Variants in ALDH7A1 observed in about 807,000 individuals in gnomAD.
ALDH7A1 encodes the protein aldehyde dehydrogenase 7 family member A1.
ALDH7A1 carries 63 observed loss-of-function variants against 79.9 expected under a neutral mutation model. The observed-to-expected ratio is 0.79, with a 90% CI of 0.64 to 0.97. The LOEUF is 0.97. Among genes scored for constraint, ALDH7A1 ranks in the 50% least tolerant of loss-of-function variants. The probability of loss-of-function intolerance (pLI) is 0.00; values close to 1 mark genes in which losing one functional copy is unlikely to be tolerated. For missense variants in ALDH7A1, 627 were observed against 665.2 expected (o/e 0.94, Z 0.63); for synonymous variants, 240 against 231.2 (o/e 1.04, Z -0.34).
At chr5:126,547,850 G>C (rs999914817) in intron 16 of ALDH7A1, among the ~76,000 whole-genome samples, 8 of 152,120 alleles carry the variant, frequency 5.3e-5, no homozygotes, top group African/African-American at 1.9e-4. Context: ...AGGAGTTCAA[G>C]ACCAGCCTGG....
chr5:126,564,503 AAAATC>A, intron 9 of ALDH7A1: 1 of 1,242,408 alleles, frequency 8.0e-7, no homozygotes, highest in Non-Finnish European at 1.0e-6. Context: ...AGTGCACTTT[AAAATC>A]AGCTTCCATG....
At chr5:126,554,856 G>A in intron 12 of ALDH7A1, 1 of 265,692 alleles carries the variant, frequency 3.8e-6, no homozygotes, top group South Asian at 4.4e-5. Context: ...GAATGATGCT[G>A]TCCTATGTTA....
chr5:126,550,456 T>TGGGCAACTGAGGCCTACA (rs1237947891), intron 14 of ALDH7A1, among the ~76,000 whole-genome samples, 163 bp from the exon 15 acceptor site: 1 of 152,056 alleles, frequency 6.6e-6, no homozygotes. Flanking sequence ...TTCAGATCAT[T>TGGGCAACTGAGGCCTACA]GATAATAAGT....
At chr5:126,555,220 C>T (rs1750147858) in intron 12 of ALDH7A1, 1 of 153,782 alleles carries the variant, frequency 6.5e-6, no homozygotes, top group South Asian at 2.0e-4. Context: ...CAATGGCTCA[C>T]ACCTGTAATC....
Position 126,594,954 on chromosome 5 carries a change from G to A in ALDH7A1, c.192+53C>T, listed in dbSNP as rs966590946. ...GAGTCGGTAGGTCAGTGCCCGCCCGGCCTCCTCGAGCGAGCCCCGGCGGCT... is the reference window on the plus strand; with the variant it reads ...GAGTCGGTAGGTCAGTGCCCGCCCGACCTCCTCGAGCGAGCCCCGGCGGCT... On this transcript the variant is annotated intron_variant, in intron 1 of 17. Coordinates refer to ENST00000409134, the MANE Select transcript of ALDH7A1 (RefSeq NM_001182.5). 4 of 1,551,374 alleles carry A rather than the reference G, an allele frequency of 2.6e-6. No individual in the cohort carries two copies. The African/African-American group carries it at 4.1e-5, about 16-fold the overall frequency.
At chr5:126,571,100 G>T in intron 7 of ALDH7A1, 1 of 400,414 alleles carries the variant, frequency 2.5e-6, no homozygotes, top group South Asian at 2.8e-5. Context: ...ATTCAGACCT[G>T]GATTTCTCCT....
intron 13 of ALDH7A1, among the ~76,000 whole-genome samples, chr5:126,552,441 G>C (rs1296454765): frequency 6.6e-6 from 1 of 152,186 alleles, no homozygotes; most frequent in Non-Finnish European, 1.5e-5. Flanking sequence ...CACTCAGCCT[G>C]TAGTGCAATG....
intron 11 of ALDH7A1, among the ~76,000 whole-genome samples, chr5:126,558,662 T>G (rs1237988886): frequency 6.6e-6 from 1 of 152,094 alleles, no homozygotes; most frequent in East Asian, 1.9e-4. Context: ...TAGCTGGGAC[T>G]ACAAGCATGA....
At chr5:126,582,813 A>C in intron 5 of ALDH7A1, 38 bp downstream of exon 5, 1 of 1,610,852 alleles carries the variant, frequency 6.2e-7, no homozygotes, top group Non-Finnish European at 8.5e-7. Context: ...TCTGTATATC[A>C]GAGTACAAAA....
Position 126,593,385 on chromosome 5 carries a change from G to A in ALDH7A1, c.212C>T (p.Pro71Leu). 3 of 1,613,294 alleles carry A rather than the reference G, an allele frequency of 1.9e-6. No individual in the cohort carries two copies. Among genetic ancestry groups the A allele is most frequent in the Non-Finnish European group, 2.5e-6 (3 of 1,179,960 alleles). The change falls in exon 2 of 18, where the codon CCT becomes CTT. Residue 71 changes from proline to leucine, a missense_variant. Pro to Leu is a moderately conservative substitution (Grantham distance 98, BLOSUM62 -3). Coordinates refer to ENST00000409134, the MANE Select transcript of ALDH7A1 (RefSeq NM_001182.5). ...TCTTGCTATTGGCTCGTTGTTAGCA[G>A]GGCAATAGGTCGTAATAACCTTAAA... Reference protein sequence around the residue: ...GRGEVITTYCPANNEPIARVR... With the variant: ...GRGEVITTYCLANNEPIARVR...
chr5:126,570,211 A>G (rs1164782652), intron 8 of ALDH7A1: 1 of 153,710 alleles, frequency 6.5e-6, no homozygotes, highest in African/African-American at 2.4e-5. Flanking sequence ...ATGTTCTGGA[A>G]TAAGATAGTG....
At chr5:126,582,777 C>T (rs1751219952) in intron 5 of ALDH7A1, 74 bp downstream of exon 5, 9 of 1,565,740 alleles carry the variant, frequency 5.7e-6, no homozygotes, top group Non-Finnish European at 7.9e-6. Flanking sequence ...CAGTCAATAG[C>T]CAGAGTATTT....
At position 126,582,717 on chromosome 5, in the gene ALDH7A1, G is replaced by T. The variant is rs560817695; in HGVS notation, c.517+134C>A. The T allele has an allele frequency of 5.9e-6, 6 of 1,009,516 alleles. No homozygotes were observed. The East Asian group carries it at 1.6e-4, about 26-fold the overall frequency. The allele number at this position is 1,009,516 out of a possible 1,614,324, so 62.5% of individuals were successfully genotyped here. A position where few individuals can be genotyped will look rare whatever the true frequency, so the allele number is the denominator to read the frequency against. ...TGTTTTAATTTGCATTTCTTTGAAA[G>T]ATTGAGGATATTTTCACATATTTAT... On this transcript the variant is annotated intron_variant, in intron 5 of 17. Transcript: ENST00000409134.
chr5:126,594,973 G>A (rs1751691453), intron 1 of ALDH7A1, 34 bp downstream of exon 1: 8 of 1,560,270 alleles, frequency 5.1e-6, no homozygotes, highest in Non-Finnish European at 6.9e-6. Context: ...AGCGAGCCCC[G>A]GCGGCTGCAG....
At chr5:126,550,148 C>G (rs376501603) in intron 15 of ALDH7A1, 48 bp downstream of exon 15, 2 of 1,575,644 alleles carry the variant, frequency 1.3e-6, no homozygotes, top group African/African-American at 1.4e-5. Flanking sequence ...AGTCCACTCA[C>G]CACATAAATC....
intron 9 of ALDH7A1, among the ~76,000 whole-genome samples, chr5:126,565,845 A>T (rs1229523411): frequency 6.6e-6 from 1 of 152,240 alleles, no homozygotes; most frequent in Non-Finnish European, 1.5e-5. Flanking sequence ...TAAAAAGACC[A>T]TCCTTTCCCC....
chr5:126,565,744 C>T (rs533943581), intron 9 of ALDH7A1, among the ~76,000 whole-genome samples: 1 of 152,132 alleles, frequency 6.6e-6, no homozygotes, highest in East Asian at 1.9e-4. Flanking sequence ...GTCTTTGATA[C>T]ATTTGGAGTT....
chr5:126,565,261 CGCAT>C lies in ALDH7A1; in HGVS notation c.871+2994_871+2997del, dbSNP rs530430093. ...TACAAAAATTAGTCGGACATGGTGG[CGCAT>C]GCCTGTAATCCCAGCTACTTGGGAG... is the stretch of plus-strand genomic sequence containing the variant. On this transcript the variant is annotated intron_variant, in intron 9 of 17. Coordinates refer to ENST00000409134, the MANE Select transcript of ALDH7A1 (RefSeq NM_001182.5). Among the ~76,000 whole-genome samples the C allele has an allele frequency of 5.1e-3, 781 of 152,024 alleles. 8 individuals are homozygous for C. Among genetic ancestry groups the C allele is most frequent in the Non-Finnish European group, 6.3e-3 (430 of 67,982 alleles).
At chr5:126,561,348 G>T in intron 9 of ALDH7A1, 1 of 322,032 alleles carries the variant, frequency 3.1e-6, no homozygotes. Flanking sequence ...AATATCAAAT[G>T]TCCTGATTTT....
Sources: allele counts gnomAD v4.1 joint callset (sites outside exome capture counted in the v4.1 genomes callset), GRCh38; gene constraint gnomAD v4.1.1; transcripts MANE v1.5; gene names NCBI Gene and HGNC (gene_info 2026-07-23, HGNC 2026-07-21).